Variants in CDKAL1 observed in about 807,000 individuals in gnomAD.
The protein encoded by CDKAL1 is threonylcarbamoyladenosine tRNA methylthiotransferase.
Under a neutral mutation model 68.2 loss-of-function variants are expected in CDKAL1, and 32 were observed. That is an observed-to-expected ratio of 0.47 (90% CI 0.35 to 0.63). The LOEUF is 0.63. Among genes scored for constraint, CDKAL1 ranks in the 30% least tolerant of loss-of-function variants. The pLI is 0.00. For synonymous variants in CDKAL1, 234 were observed against 244.3 expected (o/e 0.96, Z 0.39); for missense variants, 606 against 696.7 (o/e 0.87, Z 1.47).
chr6:21,063,916 C>A (rs570140745), intron 11 of CDKAL1, among the ~76,000 whole-genome samples: 2 of 152,170 alleles, frequency 1.3e-5, no homozygotes, highest in Non-Finnish European at 2.9e-5. Flanking sequence ...CCATGAGTCT[C>A]CAGACTGTAC....
intron 9 of CDKAL1, among the ~76,000 whole-genome samples, chr6:20,854,601 G>A (rs917242045): frequency 2.0e-5 from 3 of 152,148 alleles, no homozygotes; most frequent in African/African-American, 7.2e-5. Context: ...CCTTGCCATC[G>A]GAAACAAGGA....
At chr6:20,795,340 T>C (rs1776066982) in intron 8 of CDKAL1, among the ~76,000 whole-genome samples, 1 of 152,140 alleles carries the variant, frequency 6.6e-6, no homozygotes, top group Admixed American at 6.5e-5. Flanking sequence ...TCAGTTCATG[T>C]TTTCTGAGAG....
rs1026596869 is a variant in CDKAL1, at chr6:20,756,920, C to A, written c.469-1675C>A. On this transcript the variant is annotated intron_variant, in intron 6 of 15. Transcript: ENST00000274695. ...CCTTCCTTCCTTCCTTCCTTCCTTC[C>A]TTCCCTCCTTCCCTTCCTTCCCTCC... Among the ~76,000 whole-genome samples the A allele has an allele frequency of 5.5e-5, 7 of 126,272 alleles. No homozygotes were observed. In the East Asian group the frequency reaches 1.9e-3, roughly 35 times the overall value. The allele number at this position is 126,272 out of a possible 152,430, so 82.8% of individuals were successfully genotyped here.
intron 2 of CDKAL1, among the ~76,000 whole-genome samples, chr6:20,545,881 A>G (rs9368201): frequency 0.46 from 69,316 of 152,128 alleles, 16,261 homozygotes; most frequent in African/African-American, 0.54. Context: ...AATACTTTAT[A>G]TCGAATGATT....
chr6:21,065,249 G>A (rs749283201), intron 12 of CDKAL1, 21 bp downstream of exon 12: 21 of 1,585,824 alleles, frequency 1.3e-5, no homozygotes, highest in African/African-American at 1.1e-4. Context: ...TTTCTTGTAA[G>A]GTATTGTTTT....
At chr6:20,676,698 TAAATA>T (rs1554175380) in intron 5 of CDKAL1, among the ~76,000 whole-genome samples, 136 of 80,768 alleles carry the variant, frequency 1.7e-3, no homozygotes, top group African/African-American at 5.9e-3. Context: ...AATAAATAAA[TAAATA>T]AAATAAAATA....
intron 5 of CDKAL1, among the ~76,000 whole-genome samples, chr6:20,728,592 G>A (rs1338930963): frequency 6.6e-6 from 1 of 152,186 alleles, no homozygotes; most frequent in African/African-American, 2.4e-5. Context: ...GACAGTGATA[G>A]ATGATTTCCA....
At chr6:21,219,748 A>G (rs1031074085) in intron 15 of CDKAL1, among the ~76,000 whole-genome samples, 1 of 152,214 alleles carries the variant, frequency 6.6e-6, no homozygotes, top group African/African-American at 2.4e-5. Context: ...CTAACATCAC[A>G]CATGTCTTCT....
At chr6:20,991,760 C>T (rs1185814706) in intron 10 of CDKAL1, among the ~76,000 whole-genome samples, 1 of 145,472 alleles carries the variant, frequency 6.9e-6, no homozygotes, top group African/African-American at 2.5e-5. Context: ...ATGCATCTGT[C>T]GTCCCAGCTA....
chr6:21,142,025 A>G (rs7746846), intron 13 of CDKAL1, among the ~76,000 whole-genome samples: 70,166 of 151,902 alleles, frequency 0.46, 16,944 homozygotes, highest in African/African-American at 0.56. Context: ...TGGTGGATCC[A>G]AAATTTTTTT....
At chr6:20,651,304 C>CT (rs1384222768) in intron 5 of CDKAL1, among the ~76,000 whole-genome samples, 1 of 151,990 alleles carries the variant, frequency 6.6e-6, no homozygotes, top group African/African-American at 2.4e-5. Context: ...GTATTTTATT[C>CT]TTTTTGTGGC....
intron 8 of CDKAL1, among the ~76,000 whole-genome samples, chr6:20,806,926 G>A (rs1581617008): frequency 6.6e-6 from 1 of 152,148 alleles, no homozygotes; most frequent in East Asian, 1.9e-4. Flanking sequence ...AGCAGAACAA[G>A]TCTTAGATTT....
At chr6:20,736,009 A>G (rs567410192) in intron 5 of CDKAL1, among the ~76,000 whole-genome samples, 1 of 152,322 alleles carries the variant, frequency 6.6e-6, no homozygotes, top group East Asian at 1.9e-4. Flanking sequence ...CAGCCAGCCA[A>G]CTTGCATTTC....
intron 10 of CDKAL1, among the ~76,000 whole-genome samples, chr6:20,984,056 G>A (rs147185989): frequency 4.9e-4 from 75 of 152,262 alleles, no homozygotes; most frequent in African/African-American, 1.3e-3. Context: ...ATCTAAGATC[G>A]CGTGAAGTAA....
At chr6:20,656,500 A>T (rs1769031409) in intron 5 of CDKAL1, among the ~76,000 whole-genome samples, 1 of 151,982 alleles carries the variant, frequency 6.6e-6, no homozygotes, top group Admixed American at 6.6e-5. Flanking sequence ...TTTTAATGAG[A>T]AGCCTGTGAT....
chr6:20,758,003 T>G (rs531695776), intron 6 of CDKAL1, among the ~76,000 whole-genome samples: 1 of 152,298 alleles, frequency 6.6e-6, no homozygotes, highest in South Asian at 2.1e-4. Flanking sequence ...CCTGCATCAC[T>G]TGGTCTGATT....
intron 15 of CDKAL1, among the ~76,000 whole-genome samples, chr6:21,211,114 AACTTCT>A (rs1779132638): frequency 1.3e-5 from 2 of 152,208 alleles, no homozygotes; most frequent in African/African-American, 4.8e-5. Flanking sequence ...GTTTTCAGAC[AACTTCT>A]ACTACAGAGA....
chr6:21,183,210 A>G (rs950157295), intron 13 of CDKAL1, among the ~76,000 whole-genome samples: 1 of 150,818 alleles, frequency 6.6e-6, no homozygotes, highest in African/African-American at 2.4e-5. Context: ...ATTTATCAAT[A>G]TTGGAGAATT....
intron 8 of CDKAL1, among the ~76,000 whole-genome samples, chr6:20,821,435 C>T (rs1297930605): frequency 1.3e-5 from 2 of 152,094 alleles, no homozygotes; most frequent in Non-Finnish European, 1.5e-5. Flanking sequence ...TTTAACTTTA[C>T]CACTCCCTTC....
Sources: gnomAD v4.1 joint callset for allele counts (sites outside exome capture counted in the v4.1 genomes callset) on GRCh38, gnomAD v4.1.1 for gene constraint, MANE v1.5 for transcripts, NCBI Gene and HGNC (gene_info 2026-07-23, HGNC 2026-07-21) for gene names.